KIT: variants seen among roughly 807,000 people sequenced by gnomAD.
The protein encoded by KIT is mast/stem cell growth factor receptor Kit.
KIT carries 16 observed loss-of-function variants against 105.7 expected under a neutral mutation model. The observed-to-expected ratio is 0.15, with a 90% CI of 0.10 to 0.23. The LOEUF is 0.23. KIT is among the 10% of genes least tolerant of loss of function. The pLI, the probability that KIT is intolerant of heterozygous loss-of-function variation, is 1.00. For synonymous variants in KIT, 438 were observed against 441.1 expected, an observed-to-expected ratio of 0.99 and a Z score of 0.09; for missense variants, 858 against 1,213.8, an observed-to-expected ratio of 0.71 and a Z score of 4.36.
chr4:54,719,309 C>T (rs1274219113), intron 7 of KIT, among the ~76,000 whole-genome samples: 1 of 152,146 alleles, frequency 6.6e-6, no homozygotes, highest in Non-Finnish European at 1.5e-5. Flanking sequence ...AGCCACCAGC[C>T]CTCAGCTTTG....
At chr4:54,694,470 C>A (rs1719920745) in intron 1 of KIT, among the ~76,000 whole-genome samples, 1 of 152,170 alleles carries the variant, frequency 6.6e-6, no homozygotes. Context: ...CCCACCTCAG[C>A]CTCCCGCCTC....
At chr4:54,709,854 G>T (rs1160540108) in intron 7 of KIT, among the ~76,000 whole-genome samples, 1 of 152,212 alleles carries the variant, frequency 6.6e-6, no homozygotes, top group Non-Finnish European at 1.5e-5. Flanking sequence ...TTGTTGGAAT[G>T]GGGGGCTAGT....
intron 1 of KIT, among the ~76,000 whole-genome samples, chr4:54,683,372 C>G (rs117416689): frequency 6.6e-6 from 1 of 152,086 alleles, no homozygotes; most frequent in Non-Finnish European, 1.5e-5. Flanking sequence ...CGCGGTGGCT[C>G]ACACCTGTAA....
At chr4:54,672,836 A>T (rs1459324268) in intron 1 of KIT, among the ~76,000 whole-genome samples, 1 of 152,162 alleles carries the variant, frequency 6.6e-6, no homozygotes, top group Non-Finnish European at 1.5e-5. Context: ...CCTCTAATAG[A>T]TGCCTTATGG....
intron 5 of KIT, 29 bp downstream of exon 5, chr4:54,703,921 T>C: frequency 6.5e-7 from 1 of 1,531,690 alleles, no homozygotes. Context: ...ATGTTTAAAT[T>C]ACTGGCAGTA....
intron 1 of KIT, among the ~76,000 whole-genome samples, chr4:54,689,463 C>G (rs184386345): frequency 2.0e-5 from 3 of 152,240 alleles, no homozygotes; most frequent in East Asian, 3.9e-4. Context: ...TCTTTCCACT[C>G]AGAGAGTTAA....
intron 1 of KIT, among the ~76,000 whole-genome samples, chr4:54,677,531 G>C (rs1043334263): frequency 6.6e-6 from 1 of 152,184 alleles, no homozygotes; most frequent in Non-Finnish European, 1.5e-5. Context: ...GGTTTTCAGG[G>C]AAAGTGACTC....
intron 11 of KIT, 66 bp from the exon 12 acceptor site, chr4:54,727,757 A>G: frequency 7.2e-7 from 1 of 1,380,926 alleles, no homozygotes; most frequent in East Asian, 2.3e-5. Flanking sequence ...TTGAAACTGC[A>G]CAAATGGTCC....
chr4:54,685,850 G>A (rs866420240), intron 1 of KIT, among the ~76,000 whole-genome samples: 1 of 152,150 alleles, frequency 6.6e-6, no homozygotes, highest in Admixed American at 6.5e-5. Context: ...CACTTGTTTT[G>A]AGCCCTAGGA....
At chr4:54,699,556 G>A (rs932714620) in intron 3 of KIT, 74 bp from the exon 4 acceptor site, 2 of 1,524,964 alleles carry the variant, frequency 1.3e-6, no homozygotes, top group Admixed American at 3.4e-5. Context: ...GTACACATTT[G>A]AGGAGAAATG....
intron 1 of KIT, among the ~76,000 whole-genome samples, chr4:54,693,561 C>T (rs983873740): frequency 2.0e-5 from 3 of 152,136 alleles, no homozygotes; most frequent in Admixed American, 6.5e-5. Flanking sequence ...CATTACTGGC[C>T]AGGTTGTACC....
At position 54,673,741 on chromosome 4, in the gene KIT, GT is replaced by G. The variant is rs570815564; in HGVS notation, c.67+15664del. Among the ~76,000 whole-genome samples, 64 of 152,308 alleles carry G rather than the reference GT, an allele frequency of 4.2e-4. 1 individual carries two copies. The highest frequency in any genetic ancestry group is 1.5e-3 in the African/African-American group (61 of 41,574). ...TGGATTCTTTTCTGTTGTTAACCGA[GT>G]TTTCCTATACTTTTAGGAGGGCCAG... On this transcript the variant is annotated intron_variant, in intron 1 of 20. Coordinates refer to ENST00000288135, the MANE Select transcript of KIT (RefSeq NM_000222.3).
Position 54,738,794 on chromosome 4 carries a change from A to G in KIT, c.*237A>G. On this transcript the variant is annotated 3_prime_UTR_variant, in exon 21 of 21. Coordinates refer to ENST00000288135, the MANE Select transcript of KIT (RefSeq NM_000222.3). The stretch of plus-strand genomic sequence containing the variant: ...GCAACGTAGCTTCTACCATGAACAG[A>G]AAACATTCTGATTTGGAAAAAGAGA... The G allele has an allele frequency of 1.6e-6, 1 of 611,038 alleles. No individual in the cohort carries two copies. The allele number at this position is 611,038 out of a possible 1,614,324, so 37.9% of individuals were successfully genotyped here.
intron 1 of KIT, among the ~76,000 whole-genome samples, chr4:54,681,272 G>A (rs1560383505): frequency 1.3e-5 from 2 of 151,880 alleles, no homozygotes; most frequent in African/African-American, 2.4e-5. Context: ...TTACGGCAGC[G>A]GGGATGGGGT....
chr4:54,732,108 A>T (rs2109797302), intron 16 of KIT, 110 bp downstream of exon 16: 1 of 1,253,698 alleles, frequency 8.0e-7, no homozygotes, highest in Non-Finnish European at 1.1e-6. Flanking sequence ...TAAAATGCAG[A>T]ATGTCATTTT....
intron 1 of KIT, among the ~76,000 whole-genome samples, chr4:54,693,594 C>T (rs766384148): frequency 2.6e-5 from 4 of 152,186 alleles, no homozygotes; most frequent in Non-Finnish European, 5.9e-5. Flanking sequence ...ACACCTCTCA[C>T]GTCCCCTCCC....
intron 2 of KIT, among the ~76,000 whole-genome samples, chr4:54,696,661 G>A (rs906415125): frequency 6.6e-6 from 1 of 152,238 alleles, no homozygotes; most frequent in African/African-American, 2.4e-5. Flanking sequence ...ATTTGGATAA[G>A]ATGATCTGTT....
chr4:54,737,351 T>A, intron 20 of KIT, 71 bp downstream of exon 20: 1 of 1,043,518 alleles, frequency 9.6e-7, no homozygotes, highest in Non-Finnish European at 1.5e-6. Flanking sequence ...CCTCAGGCTT[T>A]CAGGGTGAGG....
intron 14 of KIT, 147 bp from the exon 15 acceptor site, chr4:54,731,181 A>G (rs1029357131): frequency 2.6e-5 from 18 of 700,078 alleles, no homozygotes; most frequent in Admixed American, 1.5e-4. Flanking sequence ...CAGGATTTTC[A>G]AACTCTTTAT....
Sources: gnomAD v4.1 joint callset for allele counts (sites outside exome capture counted in the v4.1 genomes callset) on GRCh38, gnomAD v4.1.1 for gene constraint, MANE v1.5 for transcripts, NCBI Gene and HGNC (gene_info 2026-07-23, HGNC 2026-07-21) for gene names.